PELO: variants seen among roughly 807,000 people sequenced by gnomAD.
PELO encodes pelota mRNA surveillance and ribosome rescue factor, also known as protein pelota homolog.
In PELO, 19 loss-of-function variants were observed where a neutral mutation model predicts 25.9. That is an observed-to-expected ratio of 0.73 (90% CI 0.51 to 1.08). PELO has a LOEUF of 1.08. Among genes scored for constraint, PELO ranks in the 50% least tolerant of loss-of-function variants. The probability of loss-of-function intolerance (pLI) is 0.00; values close to 1 mark genes in which losing one functional copy is unlikely to be tolerated. For synonymous variants in PELO, 196 were observed against 192.2 expected, an observed-to-expected ratio of 1.02 and a Z score of -0.16; for missense variants, 498 against 491.4, an observed-to-expected ratio of 1.01 and a Z score of -0.13.
Position 52,801,549 on chromosome 5 carries a change from G to C in PELO, c.867G>C (p.Pro289=), listed in dbSNP as rs758733829. The stretch of plus-strand genomic sequence containing the variant: ...TCTATAAAATGTTACAGCATGAACC[G>C]GATCGAGCTTTCTATGGACTCAAGC... ...DDFYKMLQHE[P]DRAFYGLKQV... is the part of the protein sequence containing the mutation. The change falls in exon 3 of 3, where the codon CCG becomes CCC. Residue 289 remains proline (P), a synonymous_variant. Coordinates refer to ENST00000274311, the MANE Select transcript of PELO (RefSeq NM_015946.5). 1 of 1,614,132 alleles carries C rather than the reference G, an allele frequency of 6.2e-7. No homozygotes were observed. Among genetic ancestry groups the C allele is most frequent in the South Asian group, 1.1e-5 (1 of 91,074 alleles).
At chr5:52,795,510 T>C (rs1382178200) in intron 1 of PELO, among the ~76,000 whole-genome samples, 2 of 151,918 alleles carry the variant, frequency 1.3e-5, no homozygotes, top group African/African-American at 4.8e-5. Flanking sequence ...TTTTATATTA[T>C]TATAATAGGA....
At position 52,801,397 on chromosome 5, in the gene PELO, T is replaced by C. The variant is rs1253370474; in HGVS notation, c.727-12T>C. Reference sequence around the variant, plus strand: ...AGATTATTTTGCCTAACTTTTGTAATTGTGATTCTAGGTACATGCCTCCTC... The same window carrying C: ...AGATTATTTTGCCTAACTTTTGTAACTGTGATTCTAGGTACATGCCTCCTC... On this transcript the variant is annotated splice_polypyrimidine_tract_variant and intron_variant, in intron 2 of 2. Coordinates refer to ENST00000274311, the MANE Select transcript of PELO (RefSeq NM_015946.5). The C allele has an allele frequency of 3.1e-6, 5 of 1,600,252 alleles. No individual in the cohort carries two copies. The highest frequency in any genetic ancestry group is 1.3e-5 in the African/African-American group (1 of 74,368).
At chr5:52,799,830 C>G (rs1331608333) in intron 1 of PELO, 55 bp from the exon 2 acceptor site, 1 of 156,742 alleles carries the variant, frequency 6.4e-6, no homozygotes. Flanking sequence ...GCAGTGGCAG[C>G]CGCAGGCAGG....
At chr5:52,789,316 T>C (rs2111635387) in intron 1 of PELO, among the ~76,000 whole-genome samples, 2 of 152,256 alleles carry the variant, frequency 1.3e-5, no homozygotes, top group East Asian at 3.9e-4. Context: ...TATTAATGGG[T>C]TAATTAACAG....
intron 1 of PELO, among the ~76,000 whole-genome samples, chr5:52,798,366 T>G (rs1748386884): frequency 1.3e-5 from 2 of 150,776 alleles, no homozygotes; most frequent in Admixed American, 6.6e-5. Flanking sequence ...GACTTTCCCC[T>G]TGGAGGGGAC....
intron 1 of PELO, among the ~76,000 whole-genome samples, chr5:52,794,724 A>C (rs1310009625): frequency 6.6e-6 from 1 of 151,844 alleles, no homozygotes; most frequent in African/African-American, 2.4e-5. Flanking sequence ...TTAGCTAACT[A>C]ATCCTCCCAG....
chr5:52,800,659 C>A lies in PELO; in HGVS notation c.265C>A (p.Gln89Lys). ...CQLRVKGTNI[Q>K]ENEYVKMGAY... ...GCTGCGGGTTAAGGGGACCAACATC[C>A]AAGAGAATGAGTATGTCAAGATGGG... The change falls in exon 2 of 3, where the codon CAA becomes AAA. Residue 89 changes from glutamine to lysine, a missense_variant. Coordinates refer to ENST00000274311, the MANE Select transcript of PELO (RefSeq NM_015946.5). The A allele has an allele frequency of 6.2e-7, 1 of 1,614,144 alleles. No individual in the cohort carries two copies. Among genetic ancestry groups the A allele is most frequent in the Non-Finnish European group, 8.5e-7 (1 of 1,180,030 alleles).
Position 52,799,954 on chromosome 5 carries a change from T to A in PELO, c.-441T>A, listed in dbSNP as rs1470053972. 36 of 207,846 alleles carry A rather than the reference T, an allele frequency of 1.7e-4. No homozygotes were observed. The allele number at this position is 207,846 out of a possible 1,614,324, so 12.9% of individuals were successfully genotyped here. A position where few individuals can be genotyped will look rare whatever the true frequency, so the allele number is the denominator to read the frequency against. ...AAATAAAGGACTCGCCACCACTCTG[T>A]GCACCTTCTTGAGGGAGTTCATTCG... On this transcript the variant is annotated 5_prime_UTR_variant, in exon 2 of 3. Coordinates refer to ENST00000274311, the MANE Select transcript of PELO (RefSeq NM_015946.5).
intron 2 of PELO, 68 bp downstream of exon 2, chr5:52,801,188 T>C: frequency 3.5e-6 from 5 of 1,432,256 alleles, no homozygotes; most frequent in Non-Finnish European, 4.7e-6. Flanking sequence ...CTCCTAAAGT[T>C]TTAGAACTGG....
At chr5:52,795,735 C>A (rs1405118014) in intron 1 of PELO, among the ~76,000 whole-genome samples, 1 of 151,882 alleles carries the variant, frequency 6.6e-6, no homozygotes, top group East Asian at 1.9e-4. Flanking sequence ...TCAAGCCAGG[C>A]ATTTTTAGAG....
chr5:52,788,258 C>A lies in PELO; in HGVS notation c.-667C>A. The A allele has an allele frequency of 1.0e-6, 1 of 954,484 alleles. No individual in the cohort carries two copies. The highest frequency in any genetic ancestry group is 1.4e-6 in the Non-Finnish European group (1 of 690,078). The allele number at this position is 954,484 out of a possible 1,614,324, so 59.1% of individuals were successfully genotyped here. On this transcript the variant is annotated 5_prime_UTR_variant, in exon 1 of 3. Transcript: ENST00000274311. Reference sequence around the variant, plus strand: ...TGGGGCAGAGGACTGGGAACCGCGGCAGCGGGATAAGTGGCCCAGCCAGAG... The same window carrying A: ...TGGGGCAGAGGACTGGGAACCGCGGAAGCGGGATAAGTGGCCCAGCCAGAG...
At position 52,801,393 on chromosome 5, in the gene PELO, G is replaced by T. The variant is rs369308865; in HGVS notation, c.727-16G>T. ...TAGGAGATTATTTTGCCTAACTTTT[G>T]TAATTGTGATTCTAGGTACATGCCT... On this transcript the variant is annotated splice_polypyrimidine_tract_variant and intron_variant, in intron 2 of 2. Coordinates refer to ENST00000274311, the MANE Select transcript of PELO (RefSeq NM_015946.5). 6.3e-7 allele frequency: 1 copy of T among 1,597,304 alleles called. No individual in the cohort carries two copies. Among genetic ancestry groups the T allele is most frequent in the South Asian group, 1.1e-5 (1 of 90,090 alleles).
chr5:52,793,238 T>C (rs901452442), intron 1 of PELO, among the ~76,000 whole-genome samples: 1 of 152,126 alleles, frequency 6.6e-6, no homozygotes, highest in Non-Finnish European at 1.5e-5. Context: ...TCTTTAACCA[T>C]AACACCTAGA....
At chr5:52,792,538 C>T (rs1748262212) in intron 1 of PELO, among the ~76,000 whole-genome samples, 2 of 152,106 alleles carry the variant, frequency 1.3e-5, no homozygotes, top group Admixed American at 6.6e-5. Context: ...GAAGCATGAG[C>T]TCTTGGGCCA....
Position 52,788,383 on chromosome 5 carries a change from G to T in PELO, c.-542G>T. On this transcript the variant is annotated 5_prime_UTR_variant, in exon 1 of 3. Coordinates refer to ENST00000274311, the MANE Select transcript of PELO (RefSeq NM_015946.5). ...CCCCTCGGCCCCGCGCCCGCCCAGG[G>T]GTCGCTGTCGCCTGCTGCTGGCTCC... 1 of 1,512,562 alleles carries T rather than the reference G, an allele frequency of 6.6e-7. No homozygotes were observed. 93.7% of individuals were successfully genotyped at this position (1,512,562 alleles called of 1,614,324 possible).
Position 52,800,401 on chromosome 5 carries a change from C to T in PELO, c.7C>T (p.Leu3Phe). 1 of 1,613,924 alleles carries T rather than the reference C, an allele frequency of 6.2e-7. No homozygotes were observed. The highest frequency in any genetic ancestry group is 8.5e-7 in the Non-Finnish European group (1 of 1,180,020). The change falls in exon 2 of 3, where the codon CTC (leucine) becomes TTC (phenylalanine). Residue 3 changes from leucine (L) to phenylalanine (F), a missense_variant. Physicochemically the swap from Leu to Phe is conservative, Grantham distance 22 (BLOSUM62 0). Transcript: ENST00000274311. ...GTGAGCCCCTTCCTTGGCCATGAAG[C>T]TCGTGAGGAAGAACATCGAGAAGGA... MK[L>F]VRKNIEKDNA...
Position 52,800,801 on chromosome 5 carries a change from A to T in PELO, c.407A>T (p.Asp136Val). 1 of 1,612,664 alleles carries T rather than the reference A, an allele frequency of 6.2e-7. No homozygotes were observed. The highest frequency in any genetic ancestry group is 8.5e-7 in the Non-Finnish European group (1 of 1,178,976). The change falls in exon 2 of 3, where the codon GAT becomes GTT. Residue 136 changes from aspartate to valine, a missense_variant. Physicochemically the swap from Asp to Val is radical, Grantham distance 152. Transcript: ENST00000274311. The part of the protein sequence containing the change: ...EQACDPAWSA[D>V]VAAVVMQEGL... ...GCCTGTGACCCAGCCTGGAGCGCTG[A>T]TGTGGCGGCTGTGGTCATGCAGGAA...
At chr5:52,789,878 T>G (rs969129035) in intron 1 of PELO, among the ~76,000 whole-genome samples, 6 of 152,224 alleles carry the variant, frequency 3.9e-5, no homozygotes, top group African/African-American at 1.4e-4. Flanking sequence ...AGAGTGAAAC[T>G]TGAAGTAACA....
Position 52,800,591 on chromosome 5 carries a change from C to G in PELO, c.197C>G (p.Thr66Ser). 1 of 1,613,616 alleles carries G rather than the reference C, an allele frequency of 6.2e-7. No individual in the cohort carries two copies. The highest frequency in any genetic ancestry group is 1.1e-5 in the South Asian group (1 of 91,022). Residue 66 changes from threonine to serine, a missense_variant, in exon 2 of 3, where the codon ACT becomes AGT. Coordinates refer to ENST00000274311, the MANE Select transcript of PELO (RefSeq NM_015946.5). ...VGSNRVRTTL[T>S]LCVEAIDFDS... The stretch of plus-strand genomic sequence containing the variant: ...AGCAACCGGGTCCGCACTACCCTCA[C>G]TCTCTGCGTGGAGGCCATCGACTTC...
Sources: gnomAD v4.1 joint callset for allele counts (sites outside exome capture counted in the v4.1 genomes callset) on GRCh38, gnomAD v4.1.1 for gene constraint, MANE v1.5 for transcripts, NCBI Gene and HGNC (gene_info 2026-07-23, HGNC 2026-07-21) for gene names.